The following HIF3A variants were observed in gnomAD, a reference collection of about 807,000 sequenced individuals.
HIF3A encodes the protein hypoxia-inducible factor 3-alpha.
In HIF3A, 41 loss-of-function variants were observed where a neutral mutation model predicts 67.2. The observed-to-expected ratio is 0.61, with a 90% CI of 0.48 to 0.79. The LOEUF is 0.79. Ranked by LOEUF, HIF3A falls within the 30% of genes least tolerant of loss-of-function variation. HIF3A has a pLI of 0.00. For synonymous variants in HIF3A, 356 were observed against 374.8 expected (o/e 0.95, Z 0.58); for missense variants, 855 against 898.0 (o/e 0.95, Z 0.61).
At chr19:46,299,927 A>G (rs1234548820) in intron 1 of HIF3A, among the ~76,000 whole-genome samples, 1 of 152,082 alleles carries the variant, frequency 6.6e-6, no homozygotes, top group African/African-American at 2.4e-5. Context: ...CTTCAGTTTC[A>G]TCACCTCTTT....
intron 8 of HIF3A, 94 bp from the exon 9 acceptor site, chr19:46,320,349 G>C (rs779216335): frequency 1.3e-5 from 12 of 911,984 alleles, no homozygotes; most frequent in Non-Finnish European, 1.8e-5. Context: ...GGGCGCCATT[G>C]CCTTCTGTAA....
intron 6 of HIF3A, chr19:46,310,707 C>T (rs1410548295): frequency 2.4e-6 from 1 of 411,568 alleles, no homozygotes; most frequent in Admixed American, 2.9e-5. Context: ...TTTCCCGGTG[C>T]AAAGCACAAG....
chr19:46,297,337 C>T lies in HIF3A; in HGVS notation c.26+235C>T, dbSNP rs1023520936. Among the ~76,000 whole-genome samples, 1 of 152,112 alleles carries T rather than the reference C, an allele frequency of 6.6e-6. No homozygotes were observed. The highest frequency in any genetic ancestry group is 2.4e-5 in the African/African-American group (1 of 41,426). On this transcript the variant is annotated intron_variant, in intron 1 of 14. Coordinates refer to ENST00000377670, the MANE Select transcript of HIF3A (RefSeq NM_152795.4). This position sits in a 1 kb window ranked among gnomAD's most constrained non-coding sequence, Gnocchi z 4.5. ...TGGCCAAGAGCGGCTTCGGGGTTCC[C>T]GATTTCTCGCTACCCAAGGCTCATT...
Position 46,312,188 on chromosome 19 carries a change from C to T in HIF3A, c.798C>T (p.Pro266=), listed in dbSNP as rs371315415. 2.6e-5 allele frequency: 42 copies of T among 1,614,092 alleles called. No homozygotes were observed. The highest frequency in any genetic ancestry group is 2.5e-4 in the East Asian group (11 of 44,872). Residue 266 remains proline, a synonymous_variant, in exon 7 of 15, where the codon CCC becomes CCT. Transcript: ENST00000377670. ...DRIAEVAGYS[P]DDLIGCSAYE... ...TTGCAGAAGTGGCTGGCTATAGTCCCGATGACCTGATCGGCTGTTCCGCCT... is the reference window on the plus strand; with the variant it reads ...TTGCAGAAGTGGCTGGCTATAGTCCTGATGACCTGATCGGCTGTTCCGCCT...
chr19:46,297,178 G>A lies in HIF3A; in HGVS notation c.26+76G>A, dbSNP rs531542811. On this transcript the variant is annotated intron_variant, in intron 1 of 14. Transcript: ENST00000377670. This position sits in a 1 kb window ranked among gnomAD's most constrained non-coding sequence, Gnocchi z 4.5. ...GGAGACCCCTGAGCTGGATTGTTGG[G>A]GGGGGTGGGGTTCGCGGGTGCGAGC... is the stretch of plus-strand genomic sequence containing the variant. The A allele has an allele frequency of 1.5e-4, 113 of 736,444 alleles. 1 individual carries two copies. In the East Asian group the frequency reaches 3.6e-3, roughly 24 times the overall value. 45.6% of individuals were successfully genotyped at this position (736,444 alleles called of 1,614,324 possible).
At chr19:46,309,810 G>A (rs1379159752) in intron 6 of HIF3A, among the ~76,000 whole-genome samples, 2 of 152,122 alleles carry the variant, frequency 1.3e-5, no homozygotes, top group South Asian at 2.1e-4. Flanking sequence ...CGATAGGCCA[G>A]GCACAGTGGC....
At chr19:46,337,916 C>T (rs1268914814) in intron 14 of HIF3A, among the ~76,000 whole-genome samples, 2 of 152,206 alleles carry the variant, frequency 1.3e-5, no homozygotes, top group Non-Finnish European at 2.9e-5. Flanking sequence ...AGGGCAGGGG[C>T]CAGGGCTGTC....
At chr19:46,308,586 A>T in intron 4 of HIF3A, 77 bp from the exon 5 acceptor site, 1 of 854,510 alleles carries the variant, frequency 1.2e-6, no homozygotes, top group South Asian at 1.7e-5. Flanking sequence ...GGGAGGCCTG[A>T]GCAGCCAGGG....
intron 8 of HIF3A, among the ~76,000 whole-genome samples, chr19:46,317,560 CT>C (rs1052433524): frequency 1.3e-5 from 2 of 152,046 alleles, no homozygotes; most frequent in African/African-American, 4.8e-5. Context: ...CTTCTCTTCC[CT>C]CCTCTCCTTT....
intron 1 of HIF3A, among the ~76,000 whole-genome samples, chr19:46,299,208 G>C (rs934001493): frequency 6.6e-6 from 1 of 152,226 alleles, no homozygotes; most frequent in East Asian, 1.9e-4. Flanking sequence ...GCTGGGCATG[G>C]GGCCAGCTGG....
chr19:46,319,368 G>C (rs1388529164), intron 8 of HIF3A, among the ~76,000 whole-genome samples: 1 of 152,110 alleles, frequency 6.6e-6, no homozygotes, highest in African/African-American at 2.4e-5. Flanking sequence ...CCTGCCTCCT[G>C]TCCTGAAGGG....
At chr19:46,325,474 C>T in intron 10 of HIF3A, 61 bp from the exon 11 acceptor site, 3 of 1,212,678 alleles carry the variant, frequency 2.5e-6, no homozygotes, top group Non-Finnish European at 3.6e-6. Flanking sequence ...TGCAGACTGT[C>T]TTAATGTTGA....
chr19:46,308,200 C>T (rs748293903), intron 3 of HIF3A, 21 bp from the exon 4 acceptor site: 14 of 1,556,756 alleles, frequency 9.0e-6, no homozygotes, highest in African/African-American at 8.1e-5. Context: ...GGTAGACCCC[C>T]ACCCCTCTCA....
In HIF3A at chr19:46,303,956, C is replaced by A; in HGVS notation, c.85C>A (p.Gln29Lys). Reference protein sequence around the residue: ...SRDAARSRRSQETEVLYQLAH... With the variant: ...SRDAARSRRSKETEVLYQLAH... ...GGATGCGGCCCGCAGCCGGCGCAGCCAGGAGACCGAGGTGCTGTACCAGCT... is the reference window on the plus strand; with the variant it reads ...GGATGCGGCCCGCAGCCGGCGCAGCAAGGAGACCGAGGTGCTGTACCAGCT... Residue 29 changes from glutamine to lysine, a missense_variant, in exon 2 of 15, where the codon CAG becomes AAG. Physicochemically the swap from Gln to Lys is moderately conservative, Grantham distance 53. Coordinates refer to ENST00000377670, the MANE Select transcript of HIF3A (RefSeq NM_152795.4). The A allele has an allele frequency of 6.2e-7, 1 of 1,606,210 alleles. No individual in the cohort carries two copies. The highest frequency in any genetic ancestry group is 8.5e-7 in the Non-Finnish European group (1 of 1,176,958).
rs760939492 is a variant in HIF3A, at chr19:46,309,364, G to A, written c.770+5G>A. 2 of 1,593,402 alleles carry A rather than the reference G, an allele frequency of 1.3e-6. No homozygotes were observed. The highest frequency in any genetic ancestry group is 3.5e-5 in the Admixed American group (2 of 57,488). On this transcript the variant is annotated splice_donor_5th_base_variant and intron_variant, in intron 6 of 14. Coordinates refer to ENST00000377670, the MANE Select transcript of HIF3A (RefSeq NM_152795.4). The stretch of plus-strand genomic sequence containing the variant: ...GTTCACCTACTGTGACGACAGGTGG[G>A]CAGGGGCCCCCTCTTCCGTCTGCCC...
At chr19:46,320,583 G>A (rs772363901) in intron 9 of HIF3A, 22 bp downstream of exon 9, 56 of 1,581,842 alleles carry the variant, frequency 3.5e-5, no homozygotes, top group Middle Eastern at 1.7e-4. Flanking sequence ...GGCTGGGGCC[G>A]GGAGGGGTTG....
At chr19:46,316,400 A>G (rs1312720237) in intron 8 of HIF3A, among the ~76,000 whole-genome samples, 2 of 150,820 alleles carry the variant, frequency 1.3e-5, no homozygotes, top group Non-Finnish European at 3.0e-5. Context: ...ATAGATGTGC[A>G]GTGGGAAAAT....
intron 1 of HIF3A, among the ~76,000 whole-genome samples, chr19:46,303,414 G>T (rs990029327): frequency 2.6e-5 from 4 of 152,152 alleles, no homozygotes; most frequent in African/African-American, 9.7e-5. Context: ...TTCACAGGAC[G>T]GCTCAGTTGA....
chr19:46,309,254 TC>T lies in HIF3A; in HGVS notation c.666del (p.Cys223AlafsTer27). 1 of 1,613,962 alleles carries T rather than the reference TC, an allele frequency of 6.2e-7. No individual in the cohort carries two copies. The highest frequency in any genetic ancestry group is 8.5e-7 in the Non-Finnish European group (1 of 1,179,924). ...CCCCCGCTGCAGTGCCTGGTGCTCA[TC>T]TGCGAAGCCATCCCCCACCCAGGCA... ...SEPPLQCLVLICEAIPHPGSL... is the reference protein window; with the variant it reads ...SEPPLQCLVLXCEAIPHPGSL... On this transcript the variant is annotated frameshift_variant, in exon 6 of 15. Coordinates refer to ENST00000377670, the MANE Select transcript of HIF3A (RefSeq NM_152795.4). LOFTEE classifies it high-confidence loss of function.
Sources: allele counts gnomAD v4.1 joint callset (sites outside exome capture counted in the v4.1 genomes callset), GRCh38; gene constraint gnomAD v4.1.1; non-coding constraint Gnocchi (gnomAD v3.1); transcripts MANE v1.5; gene names NCBI Gene and HGNC (gene_info 2026-07-23, HGNC 2026-07-21).